ARHGAP44: variants seen among roughly 807,000 people sequenced by gnomAD.
ARHGAP44 encodes the protein Rho GTPase activating protein 44.
In ARHGAP44, 43 loss-of-function variants were observed where a neutral mutation model predicts 106.8. The ratio of observed to expected loss-of-function variants is 0.40; its 90% CI spans 0.32 to 0.52. ARHGAP44 has a LOEUF of 0.52. ARHGAP44 is among the 20% of genes least tolerant of loss of function. ARHGAP44 has a pLI of 0.48. For missense variants in ARHGAP44, 866 were observed against 1,050.5 expected (o/e 0.82, Z 2.43); for synonymous variants, 439 against 410.3 (o/e 1.07, Z -0.85).
At chr17:12,914,481 G>T (rs1160138038) in intron 4 of ARHGAP44, among the ~76,000 whole-genome samples, 1 of 152,186 alleles carries the variant, frequency 6.6e-6, no homozygotes, top group African/African-American at 2.4e-5. Flanking sequence ...GATTCCGCAT[G>T]TACCAACATG....
chr17:12,812,662 G>A (rs916692767), intron 1 of ARHGAP44, among the ~76,000 whole-genome samples: 1 of 152,148 alleles, frequency 6.6e-6, no homozygotes, highest in Non-Finnish European at 1.5e-5. Flanking sequence ...TCTGTATGGT[G>A]GATAAATAGG....
chr17:12,967,703 C>A (rs1235430017), intron 16 of ARHGAP44, among the ~76,000 whole-genome samples: 1 of 152,182 alleles, frequency 6.6e-6, no homozygotes, highest in Admixed American at 6.5e-5. Context: ...CACATCACTT[C>A]ATTGCTTCCC....
intron 3 of ARHGAP44, among the ~76,000 whole-genome samples, chr17:12,899,525 T>A (rs2037310091): frequency 6.7e-6 from 1 of 150,252 alleles, no homozygotes; most frequent in African/African-American, 2.5e-5. Flanking sequence ...CAGTTCTTTG[T>A]GATGATTAAG....
chr17:12,946,005 C>T (rs529925936), intron 10 of ARHGAP44, among the ~76,000 whole-genome samples: 1 of 152,216 alleles, frequency 6.6e-6, no homozygotes, highest in African/African-American at 2.4e-5. Flanking sequence ...GTAATCCGTC[C>T]ACCTCGGCCT....
chr17:12,868,717 G>T (rs1199620768), intron 1 of ARHGAP44, among the ~76,000 whole-genome samples: 1 of 149,132 alleles, frequency 6.7e-6, no homozygotes, highest in Non-Finnish European at 1.5e-5. Context: ...GAGTGCAATG[G>T]CGCGATCTTG....
At chr17:12,899,611 G>T (rs1436711496) in intron 3 of ARHGAP44, among the ~76,000 whole-genome samples, 1 of 151,740 alleles carries the variant, frequency 6.6e-6, no homozygotes, top group Non-Finnish European at 1.5e-5. Flanking sequence ...GTAAAGGGAA[G>T]GTGGGGTGGG....
chr17:12,816,717 C>T (rs9892426), intron 1 of ARHGAP44, among the ~76,000 whole-genome samples: 27,990 of 151,944 alleles, frequency 0.18, 3,262 homozygotes, highest in African/African-American at 0.33. Context: ...CAAAATAATT[C>T]TACGTGTGTA....
chr17:12,922,575 C>G (rs1433305866), intron 6 of ARHGAP44, among the ~76,000 whole-genome samples: 1 of 152,124 alleles, frequency 6.6e-6, no homozygotes, highest in Non-Finnish European at 1.5e-5. Context: ...CAAAGAAAAC[C>G]CACATTTCCA....
At chr17:12,821,347 G>A (rs2034764765) in intron 1 of ARHGAP44, among the ~76,000 whole-genome samples, 1 of 152,156 alleles carries the variant, frequency 6.6e-6, no homozygotes, top group African/African-American at 2.4e-5. Flanking sequence ...GATTATTGTG[G>A]TTTTTGTTTA....
At chr17:12,866,418 C>T (rs1421585692) in intron 1 of ARHGAP44, among the ~76,000 whole-genome samples, 2 of 152,148 alleles carry the variant, frequency 1.3e-5, no homozygotes, top group Non-Finnish European at 2.9e-5. Context: ...AGCACCCTGC[C>T]TTTGCACCCC....
At position 12,981,790 on chromosome 17, in the gene ARHGAP44, T is replaced by C. The variant is rs1393186363; in HGVS notation, c.1939+1557T>C. ...CTTTGGGAGGCTGAGATGGGCAGAT[T>C]GCCTGAGCTCAGGAGTTTGAGACCA... On this transcript the variant is annotated intron_variant, in intron 19 of 20. Transcript: ENST00000379672. Among the ~76,000 whole-genome samples, 3 of 150,290 alleles carry C rather than the reference T, an allele frequency of 2.0e-5. No homozygotes were observed. The East Asian group carries it at 6.2e-4, about 31-fold the overall frequency.
intron 1 of ARHGAP44, among the ~76,000 whole-genome samples, chr17:12,826,275 A>G (rs1449678906): frequency 3.3e-5 from 5 of 151,912 alleles, no homozygotes; most frequent in East Asian, 3.9e-4. Context: ...GATCCCCTCT[A>G]TGTGTCCATG....
chr17:12,840,922 C>G (rs1320940729), intron 1 of ARHGAP44, among the ~76,000 whole-genome samples: 2 of 152,252 alleles, frequency 1.3e-5, no homozygotes, highest in South Asian at 2.1e-4. Flanking sequence ...CCTGACCCAG[C>G]TCAGGAGTTC....
chr17:12,882,658 G>A (rs2036774465), intron 1 of ARHGAP44, among the ~76,000 whole-genome samples: 1 of 152,088 alleles, frequency 6.6e-6, no homozygotes, highest in Non-Finnish European at 1.5e-5. Context: ...CAGACATGGA[G>A]TTTTATTAAA....
intron 12 of ARHGAP44, among the ~76,000 whole-genome samples, chr17:12,950,361 T>G (rs11869560): frequency 1.5e-4 from 23 of 152,170 alleles, no homozygotes; most frequent in African/African-American, 4.6e-4. Context: ...AGCAGCAGCC[T>G]CTCTCTCCCC....
intron 16 of ARHGAP44, among the ~76,000 whole-genome samples, chr17:12,972,328 C>T (rs993261620): frequency 2.6e-5 from 4 of 152,098 alleles, no homozygotes; most frequent in Non-Finnish European, 5.9e-5. Context: ...GGGAACTAAC[C>T]ACCTGCTAGT....
intron 1 of ARHGAP44, 56 bp from the exon 2 acceptor site, chr17:12,894,884 T>C (rs1159379089): frequency 2.0e-6 from 3 of 1,497,626 alleles, no homozygotes; most frequent in Middle Eastern, 1.7e-4. Flanking sequence ...TAGGGAGTAA[T>C]TATGAGGCTC....
intron 1 of ARHGAP44, among the ~76,000 whole-genome samples, chr17:12,803,741 A>G (rs1366123039): frequency 1.3e-5 from 2 of 152,082 alleles, no homozygotes; most frequent in South Asian, 2.1e-4. Flanking sequence ...CCCGCAACAC[A>G]GCCCAGACCA....
In ARHGAP44 at chr17:12,842,031, A is replaced by G. The variant is rs76092022; in HGVS notation, c.53+52140A>G. ...GCATGACCTCTGAGGTAAGGAGAAT[A>G]CAGACAGCAGTGTTATGCAGCCATG... On this transcript the variant is annotated intron_variant, in intron 1 of 20. Coordinates refer to ENST00000379672, the MANE Select transcript of ARHGAP44 (RefSeq NM_014859.6). Among the ~76,000 whole-genome samples the G allele has an allele frequency of 2.7e-3, 411 of 152,260 alleles. 10 individuals are homozygous for G. The East Asian group carries it at 0.064, about 24-fold the overall frequency.
Sources: allele counts gnomAD v4.1 joint callset (sites outside exome capture counted in the v4.1 genomes callset), GRCh38; gene constraint gnomAD v4.1.1; transcripts MANE v1.5; gene names NCBI Gene and HGNC (gene_info 2026-07-23, HGNC 2026-07-21).